Variants in NYAP2 observed in about 807,000 individuals in gnomAD.
The protein encoded by NYAP2 is neuronal tyrosine-phosphorylated phosphoinositide-3-kinase adapter 2.
A neutral mutation model predicts 50.4 loss-of-function variants in NYAP2; 23 were observed. The ratio of observed to expected loss-of-function variants is 0.46; its 90% confidence interval spans 0.33 to 0.65. NYAP2 has a LOEUF of 0.65. Among genes scored for constraint, NYAP2 ranks in the 30% least tolerant of loss-of-function variants. The pLI is 0.02. For missense variants in NYAP2, 885 were observed against 861.0 expected (o/e 1.03, Z -0.35); for synonymous variants, 394 against 365.2 (o/e 1.08, Z -0.90).
chr2:225,564,886 G>T (rs1187730551), intron 4 of NYAP2, among the ~76,000 whole-genome samples: 2 of 151,994 alleles, frequency 1.3e-5, no homozygotes, highest in Admixed American at 6.6e-5. Flanking sequence ...TCCCAGCACT[G>T]TGGGAGACCA....
intron 4 of NYAP2, among the ~76,000 whole-genome samples, chr2:225,531,890 G>T (rs1056520609): frequency 1.3e-5 from 2 of 152,142 alleles, no homozygotes; most frequent in Non-Finnish European, 2.9e-5. Context: ...ATCTTGATTG[G>T]TACACAAACT....
intron 3 of NYAP2, among the ~76,000 whole-genome samples, chr2:225,496,172 G>A (rs796123569): frequency 1.1e-4 from 16 of 152,280 alleles, no homozygotes; most frequent in African/African-American, 3.6e-4. Context: ...GGTTGAAAAC[G>A]CAAAGGAAGC....
chr2:225,480,452 A>T (rs1047754309), intron 3 of NYAP2, among the ~76,000 whole-genome samples: 1 of 152,136 alleles, frequency 6.6e-6, no homozygotes, highest in Non-Finnish European at 1.5e-5. Context: ...CTTAACTAAA[A>T]GGGCATTTGA....
intron 5 of NYAP2, among the ~76,000 whole-genome samples, chr2:225,624,316 A>G (rs948042347): frequency 2.6e-5 from 4 of 152,232 alleles, no homozygotes; most frequent in African/African-American, 9.6e-5. Context: ...ATTGGGGACT[A>G]TTAACTTGGG....
chr2:225,575,030 T>C (rs72976448), intron 4 of NYAP2, among the ~76,000 whole-genome samples: 7,683 of 152,282 alleles, frequency 0.05, 291 homozygotes, highest in South Asian at 0.098. Flanking sequence ...CTTAGTGCTC[T>C]GTCTCCTGCA....
chr2:225,534,022 T>C (rs184312698), intron 4 of NYAP2, among the ~76,000 whole-genome samples: 124 of 152,276 alleles, frequency 8.1e-4, no homozygotes, highest in Admixed American at 3.5e-3. Flanking sequence ...GTAAACTGGC[T>C]TGACAGGGAA....
chr2:225,481,077 A>G, intron 3 of NYAP2, among the ~76,000 whole-genome samples: 1 of 152,094 alleles, frequency 6.6e-6, no homozygotes, highest in East Asian at 1.9e-4. Context: ...GTGTTCCATG[A>G]AATCAAAGGG....
intron 3 of NYAP2, among the ~76,000 whole-genome samples, chr2:225,477,502 C>G (rs1690136491): frequency 6.6e-6 from 1 of 152,104 alleles, no homozygotes; most frequent in Non-Finnish European, 1.5e-5. Flanking sequence ...TCCCAAAGTG[C>G]TGGGATTACA....
At chr2:225,411,073 C>A (rs1462016968) in intron 3 of NYAP2, among the ~76,000 whole-genome samples, 2 of 152,098 alleles carry the variant, frequency 1.3e-5, no homozygotes, top group African/African-American at 4.8e-5. Flanking sequence ...TTCTACTCAC[C>A]CCATAAGCAG....
At chr2:225,413,963 A>C (rs1480488520) in intron 3 of NYAP2, among the ~76,000 whole-genome samples, 1 of 152,182 alleles carries the variant, frequency 6.6e-6, no homozygotes, top group Non-Finnish European at 1.5e-5. Flanking sequence ...GGATTGCTTA[A>C]AAAATGGAAA....
chr2:225,513,743 G>T, intron 4 of NYAP2, 71 bp downstream of exon 4: 1 of 1,258,222 alleles, frequency 7.9e-7, no homozygotes, highest in Non-Finnish European at 1.0e-6. Flanking sequence ...CATGCCCAGG[G>T]GCAAGTGCCT....
At chr2:225,686,916 T>C in the NYAP2 span, among the ~76,000 whole-genome samples, 1 of 152,200 alleles carries the variant, frequency 6.6e-6, no homozygotes, top group African/African-American at 2.4e-5. Flanking sequence ...TAACAGTTTA[T>C]AAGTCCTCTT....
intron 4 of NYAP2, among the ~76,000 whole-genome samples, chr2:225,520,221 T>G (rs982830016): frequency 3.9e-5 from 6 of 152,126 alleles, no homozygotes; most frequent in African/African-American, 9.7e-5. Context: ...ATTTTGTAGG[T>G]TGCCTGTTCA....
At chr2:225,570,153 G>A (rs984938601) in intron 4 of NYAP2, among the ~76,000 whole-genome samples, 4 of 152,320 alleles carry the variant, frequency 2.6e-5, no homozygotes, top group South Asian at 2.1e-4. Flanking sequence ...GATATACACT[G>A]TGAACAGAGG....
At chr2:225,611,830 C>T (rs1378738235) in intron 5 of NYAP2, among the ~76,000 whole-genome samples, 1 of 150,474 alleles carries the variant, frequency 6.6e-6, no homozygotes, top group Non-Finnish European at 1.5e-5. Flanking sequence ...ATACATTTTA[C>T]CATTGGTTGA....
At chr2:225,446,244 C>CTATATA (rs1173353814) in intron 3 of NYAP2, among the ~76,000 whole-genome samples, 1 of 112,160 alleles carries the variant, frequency 8.9e-6, no homozygotes, top group African/African-American at 3.3e-5. Context: ...CTCTCTCTCT[C>CTATATA]TCTATATATA....
At chr2:225,649,038 T>C (rs1302224319) in intron 6 of NYAP2, among the ~76,000 whole-genome samples, 6 of 152,110 alleles carry the variant, frequency 3.9e-5, no homozygotes, top group Non-Finnish European at 8.8e-5. Context: ...GTTGGTTTCA[T>C]TAAAAGTAGC....
intron 5 of NYAP2, among the ~76,000 whole-genome samples, chr2:225,603,350 GAT>G (rs1368476071): frequency 1.3e-5 from 2 of 152,138 alleles, no homozygotes. Flanking sequence ...TAGGATCAGA[GAT>G]ACATTAATAA....
chr2:225,496,126 G>A (rs1159952598), intron 3 of NYAP2, among the ~76,000 whole-genome samples: 16 of 152,112 alleles, frequency 1.1e-4, no homozygotes, highest in Admixed American at 3.3e-4. Flanking sequence ...ACCAAGGAAC[G>A]GAAAAAGTTC....
Sources: allele counts gnomAD v4.1 joint callset (sites outside exome capture counted in the v4.1 genomes callset), GRCh38; gene constraint gnomAD v4.1.1; transcripts MANE v1.5; gene names NCBI Gene and HGNC (gene_info 2026-07-23, HGNC 2026-07-21).